Variants in CCDC191 observed in about 807,000 individuals in gnomAD.
CCDC191 encodes the protein coiled-coil domain-containing protein 191.
CCDC191 carries 99 observed loss-of-function variants against 114.0 expected under a neutral mutation model. The observed-to-expected ratio is 0.87, with a 90% CI of 0.74 to 1.03. The LOEUF (loss-of-function observed/expected upper bound fraction) is 1.03, where lower values mean the gene tolerates loss of function less well. Among genes scored for constraint, CCDC191 ranks in the 50% least tolerant of loss-of-function variants. CCDC191 has a pLI of 0.00. For missense variants in CCDC191, 973 were observed against 1,087.0 expected (o/e 0.90, Z 1.47); for synonymous variants, 351 against 376.0 (o/e 0.93, Z 0.77).
intron 7 of CCDC191, among the ~76,000 whole-genome samples, chr3:114,029,528 G>C (rs2076374571): frequency 1.3e-5 from 2 of 152,086 alleles, no homozygotes; most frequent in Admixed American, 1.3e-4. Context: ...ATTGTTGCAG[G>C]CAAGAGCCAC....
intron 16 of CCDC191, among the ~76,000 whole-genome samples, 158 bp downstream of exon 16, chr3:113,978,028 T>TATTA (rs1185876765): frequency 6.6e-6 from 1 of 152,186 alleles, no homozygotes; most frequent in Non-Finnish European, 1.5e-5. Context: ...CCAGGGGGTT[T>TATTA]ATTACATTGC....
At chr3:114,047,899 C>T (rs2076651252) in intron 2 of CCDC191, among the ~76,000 whole-genome samples, 1 of 151,994 alleles carries the variant, frequency 6.6e-6, no homozygotes. Flanking sequence ...CACTTGAACC[C>T]GGGAGGCAGA....
intron 16 of CCDC191, 120 bp downstream of exon 16, chr3:113,978,066 T>TGGTG: frequency 9.3e-7 from 1 of 1,077,960 alleles, no homozygotes; most frequent in Non-Finnish European, 1.4e-6. Flanking sequence ...CACCCCTGAC[T>TGGTG]GGTGTTTCCC....
chr3:114,012,223 G>A (rs1027448918), intron 8 of CCDC191, among the ~76,000 whole-genome samples: 22 of 80,520 alleles, frequency 2.7e-4, no homozygotes, highest in African/African-American at 7.6e-4. Context: ...CTCAATATAC[G>A]TGTGTGTGTG....
chr3:114,009,217 T>C (rs2076025127), intron 9 of CCDC191, among the ~76,000 whole-genome samples: 1 of 152,166 alleles, frequency 6.6e-6, no homozygotes. Flanking sequence ...TCATAGACAT[T>C]GTATACTTAG....
At chr3:113,993,786 G>C (rs952795019) in intron 13 of CCDC191, among the ~76,000 whole-genome samples, 6 of 152,148 alleles carry the variant, frequency 3.9e-5, no homozygotes, top group Non-Finnish European at 7.3e-5. Flanking sequence ...TTGGAAGGCT[G>C]AGGTGGGAGA....
At chr3:114,001,840 CTCAA>C (rs1157923755) in intron 12 of CCDC191, 144 bp from the exon 13 acceptor site, 2 of 937,478 alleles carry the variant, frequency 2.1e-6, no homozygotes, top group South Asian at 1.8e-5. Context: ...AAGTAGAAAA[CTCAA>C]TCAACCTGTC....
At position 114,018,670 on chromosome 3, in the gene CCDC191, A is replaced by G; in HGVS notation, c.1163+8T>C. 6.2e-7 allele frequency: 1 copy of G among 1,602,972 alleles called. No homozygotes were observed. Among genetic ancestry groups the G allele is most frequent in the East Asian group, 2.2e-5 (1 of 44,684 alleles). On this transcript the variant is annotated splice_region_variant and intron_variant, in intron 8 of 16. Coordinates refer to ENST00000295878, the MANE Select transcript of CCDC191 (RefSeq NM_020817.2). ...CATACTAGATTTTCACAATACAAAT[A>G]ATGATACCTGTTTTCTTCCCTAAGA...
chr3:113,998,692 G>C (rs544828102), intron 13 of CCDC191, among the ~76,000 whole-genome samples: 9 of 152,140 alleles, frequency 5.9e-5, no homozygotes, highest in Non-Finnish European at 1.3e-4. Flanking sequence ...GAAGCTACCC[G>C]GTGGCAGGTT....
chr3:113,971,357 A>G (rs1233500332), intron 16 of CCDC191, among the ~76,000 whole-genome samples: 1 of 152,236 alleles, frequency 6.6e-6, no homozygotes, highest in Admixed American at 6.5e-5. Context: ...GGCTGCATAA[A>G]TGTCTTCTTT....
At chr3:113,981,427 T>C (rs1197129193) in intron 13 of CCDC191, among the ~76,000 whole-genome samples, 1 of 152,078 alleles carries the variant, frequency 6.6e-6, no homozygotes, top group Non-Finnish European at 1.5e-5. Flanking sequence ...ATCGACCCTA[T>C]AGATATCATT....
At chr3:114,024,934 C>T (rs1275663442) in intron 7 of CCDC191, among the ~76,000 whole-genome samples, 1 of 152,154 alleles carries the variant, frequency 6.6e-6, no homozygotes. Flanking sequence ...AAAAGCAATA[C>T]CCCATGACCA....
intron 5 of CCDC191, among the ~76,000 whole-genome samples, chr3:114,035,386 C>T (rs1161349409): frequency 7.2e-5 from 11 of 152,160 alleles, no homozygotes; most frequent in Non-Finnish European, 1.6e-4. Context: ...ATCCACATCA[C>T]AGAAAAGTTG....
intron 15 of CCDC191, 111 bp downstream of exon 15, chr3:113,978,747 T>A: frequency 8.3e-7 from 1 of 1,200,230 alleles, no homozygotes; most frequent in Non-Finnish European, 1.2e-6. Context: ...TTGACTACTC[T>A]TTTGTTCTTG....
chr3:114,038,304 T>A (rs1051835940), intron 4 of CCDC191, among the ~76,000 whole-genome samples: 2 of 152,198 alleles, frequency 1.3e-5, no homozygotes. Context: ...TAACAACATT[T>A]CCATCAACAA....
intron 13 of CCDC191, among the ~76,000 whole-genome samples, chr3:113,994,984 T>A (rs2075680595): frequency 6.6e-6 from 1 of 152,172 alleles, no homozygotes. Flanking sequence ...AATAGATAAC[T>A]TGCATATGCA....
chr3:113,997,443 G>C (rs1265609011), intron 13 of CCDC191, among the ~76,000 whole-genome samples: 2 of 152,092 alleles, frequency 1.3e-5, no homozygotes, highest in African/African-American at 4.8e-5. Context: ...ACACCCAGTA[G>C]CAATTAGACC....
At chr3:113,989,021 C>A (rs1251803141) in intron 13 of CCDC191, among the ~76,000 whole-genome samples, 3 of 152,144 alleles carry the variant, frequency 2.0e-5, no homozygotes, top group African/African-American at 7.2e-5. Context: ...TAGTCTTGAT[C>A]TCCTGACCTC....
chr3:114,021,018 T>G (rs2076236600), intron 7 of CCDC191, among the ~76,000 whole-genome samples: 2 of 152,114 alleles, frequency 1.3e-5, no homozygotes, highest in South Asian at 2.1e-4. Flanking sequence ...AAAGGTTTAA[T>G]GACTAAAATC....
Sources: allele counts gnomAD v4.1 joint callset (sites outside exome capture counted in the v4.1 genomes callset), GRCh38; gene constraint gnomAD v4.1.1; transcripts MANE v1.5; gene names NCBI Gene and HGNC (gene_info 2026-07-23, HGNC 2026-07-21).